The following ZNF860 variants were observed in gnomAD, a reference collection of about 807,000 sequenced individuals.
The protein encoded by ZNF860 is zinc finger protein 860.
For synonymous variants in ZNF860, 206 were observed against 248.9 expected (o/e 0.83, Z 1.62); for missense variants, 641 against 759.2 (o/e 0.84, Z 1.83).
the ZNF860 span, among the ~76,000 whole-genome samples, chr3:32,002,274 C>T: frequency 2.6e-5 from 4 of 152,142 alleles, no homozygotes; most frequent in Admixed American, 1.3e-4. Flanking sequence ...GGAACAAAGC[C>T]TACTCTGAAA....
In ZNF860 at chr3:31,987,144, A is replaced by C. The variant is rs573037490; in HGVS notation, c.-420-1516A>C. On this transcript the variant is annotated intron_variant, in intron 1 of 1. Transcript: ENST00000360311. ...CACACACACACACACATATATATAC[A>C]TCTCCTTCCCTTCGTCCAGACACTC... 1.1e-4 allele frequency among the ~76,000 whole-genome samples: 17 copies of C among 152,236 alleles called. No individual in the cohort carries two copies. The South Asian group carries it at 3.5e-3, about 32-fold the overall frequency.
At position 31,989,680 on chromosome 3, in the gene ZNF860, A is replaced by C. The variant is rs752476083; in HGVS notation, c.601A>C (p.Ile201Leu). The change falls in exon 2 of 2, where the codon ATC becomes CTC. Residue 201 changes from isoleucine (I) to leucine (L), a missense_variant. Physicochemically the swap from Ile to Leu is conservative, Grantham distance 5. Coordinates refer to ENST00000360311, the MANE Select transcript of ZNF860 (RefSeq NM_001137674.3). Reference sequence around the variant, plus strand: ...CCAAAGAATTTCTTCTAGGCCCAAAATCCATATTTCTAATAACTATGAAAA... The same window carrying C: ...CCAAAGAATTTCTTCTAGGCCCAAACTCCATATTTCTAATAACTATGAAAA... Reference protein sequence around the residue: ...TSQRISSRPKIHISNNYENNF... With the variant: ...TSQRISSRPKLHISNNYENNF... 6.2e-7 allele frequency: 1 copy of C among 1,613,892 alleles called. No homozygotes were observed. Among genetic ancestry groups the C allele is most frequent in the African/African-American group, 1.3e-5 (1 of 74,898 alleles).
In ZNF860 at chr3:31,991,151, G is replaced by C. The variant is rs775563358; in HGVS notation, c.*173G>C. ...CATTAATTGACATTAAAGTGTTTACGTTAAGAGGATTGGGCTGGGCAGGGT... is the reference window on the plus strand; with the variant it reads ...CATTAATTGACATTAAAGTGTTTACCTTAAGAGGATTGGGCTGGGCAGGGT... On this transcript the variant is annotated 3_prime_UTR_variant, in exon 2 of 2. Coordinates refer to ENST00000360311, the MANE Select transcript of ZNF860 (RefSeq NM_001137674.3). The C allele has an allele frequency of 2.0e-4, 146 of 726,426 alleles. No homozygotes were observed. Among genetic ancestry groups the C allele is most frequent in the Non-Finnish European group, 3.0e-4 (133 of 442,072 alleles). The allele number at this position is 726,426 out of a possible 1,614,324, so 45.0% of individuals were successfully genotyped here.
At chr3:31,996,872 A>G in the ZNF860 span, among the ~76,000 whole-genome samples, 5 of 152,198 alleles carry the variant, frequency 3.3e-5, no homozygotes, top group African/African-American at 1.2e-4. Context: ...TGAGCACTCC[A>G]TTCAATATGG....
chr3:31,988,916 C>T lies in ZNF860; in HGVS notation c.-164C>T, dbSNP rs1698981978. 1.1e-6 allele frequency: 1 copy of T among 910,242 alleles called. No homozygotes were observed. Among genetic ancestry groups the T allele is most frequent in the African/African-American group, 1.7e-5 (1 of 59,464 alleles). 56.4% of individuals were successfully genotyped at this position (910,242 alleles called of 1,614,324 possible). A position where few individuals can be genotyped will look rare whatever the true frequency, so the allele number is the denominator to read the frequency against. The stretch of plus-strand genomic sequence containing the variant: ...AGCCAGGAACACCCAGCTGAAGTGC[C>T]TCCAAACCCCGACCCACAGCGACTG... On this transcript the variant is annotated 5_prime_UTR_variant, in exon 2 of 2. Transcript: ENST00000360311.
intron 1 of ZNF860, chr3:31,986,270 CAG>C (rs1307762197): frequency 3.9e-5 from 6 of 152,228 alleles, no homozygotes; most frequent in African/African-American, 1.4e-4. Context: ...GAGGAAGAAA[CAG>C]AAACTCAAAG....
the ZNF860 span, among the ~76,000 whole-genome samples, chr3:31,997,932 G>A: frequency 1.3e-5 from 2 of 151,976 alleles, no homozygotes; most frequent in Admixed American, 1.3e-4. Context: ...GGACTATACA[G>A]GTATGCACCA....
At chr3:31,992,300 G>A (rs941967242), downstream of ZNF860, among the ~76,000 whole-genome samples, 1 of 152,096 alleles carries the variant, frequency 6.6e-6, no homozygotes, top group Non-Finnish European at 1.5e-5. Context: ...GCAGCTTTTT[G>A]TATTGGTTTC....
In ZNF860 at chr3:31,990,220, G is replaced by A. The variant is rs368691892; in HGVS notation, c.1141G>A (p.Gly381Arg). The A allele has an allele frequency of 6.2e-7, 1 of 1,612,408 alleles. No homozygotes were observed. Among genetic ancestry groups the A allele is most frequent in the Non-Finnish European group, 8.5e-7 (1 of 1,179,426 alleles). ...TAATGAGTGTGGCAAAGCCTTTAGT[G>A]GGCAGTCAACACTTATTCACCATCA... is the stretch of plus-strand genomic sequence containing the variant. ...KCNECGKAFSGQSTLIHHQAI... is the reference protein window; with the variant it reads ...KCNECGKAFSRQSTLIHHQAI... The change falls in exon 2 of 2, where the codon GGG (glycine) becomes AGG (arginine). Residue 381 changes from glycine to arginine, a missense_variant. Coordinates refer to ENST00000360311, the MANE Select transcript of ZNF860 (RefSeq NM_001137674.3).
intron 1 of ZNF860, among the ~76,000 whole-genome samples, chr3:31,986,589 C>CA (rs768169596): frequency 5.9e-5 from 9 of 151,336 alleles, no homozygotes; most frequent in East Asian, 1.9e-4. Flanking sequence ...ACTAAAAATA[C>CA]AAAAAAAAGT....
At chr3:31,999,435 A>T in the ZNF860 span, among the ~76,000 whole-genome samples, 106 of 145,658 alleles carry the variant, frequency 7.3e-4, no homozygotes, top group Non-Finnish European at 1.3e-3. Flanking sequence ...ATCTCGGCTC[A>T]CCACAACCTC....
In ZNF860 at chr3:31,990,930, C is replaced by T. The variant is rs775133032; in HGVS notation, c.1851C>T (p.Thr617=). 31 of 1,574,620 alleles carry T rather than the reference C, an allele frequency of 2.0e-5. No individual in the cohort carries two copies. The highest frequency in any genetic ancestry group is 1.7e-4 in the Middle Eastern group (1 of 6,030). The change falls in exon 2 of 2, where the codon ACC becomes ACT. Residue 617 remains threonine, a synonymous_variant. Coordinates refer to ENST00000360311, the MANE Select transcript of ZNF860 (RefSeq NM_001137674.3). ...GCATTAGACATCAGAGAATCCATAC[C>T]GGACAGAAATCTTACAAATGTCATA... The part of the protein sequence containing the change: ...SHRIRHQRIH[T]GQKSYKCHKR...
chr3:31,999,401 C>T, the ZNF860 span, among the ~76,000 whole-genome samples: 27 of 139,428 alleles, frequency 1.9e-4, no homozygotes, highest in African/African-American at 2.8e-5. Context: ...CACTCTGTTG[C>T]CCAGGCTGGA....
intron 1 of ZNF860, among the ~76,000 whole-genome samples, chr3:31,986,821 C>G (rs972489701): frequency 3.3e-5 from 5 of 151,890 alleles, no homozygotes; most frequent in African/African-American, 9.7e-5. Context: ...CCTGGGCAAC[C>G]TGGAGAGACT....
chr3:31,998,201 A>T, the ZNF860 span, among the ~76,000 whole-genome samples: 1 of 152,202 alleles, frequency 6.6e-6, no homozygotes, highest in Non-Finnish European at 1.5e-5. Context: ...GTAAAGTACT[A>T]TGATGTGTGA....
At chr3:32,000,602 G>A in the ZNF860 span, among the ~76,000 whole-genome samples, 5 of 152,126 alleles carry the variant, frequency 3.3e-5, no homozygotes, top group African/African-American at 7.2e-5. Context: ...GCGAAATTGC[G>A]GGGCTGTTCT....
rs759729798 is a variant in ZNF860 at position 31,989,890 on chromosome 3, C to T, written c.811C>T (p.Arg271Ter). Reference sequence around the variant, plus strand: ...ATGTGGCAAGGTCTTTAATCAGAAGCGATACCTTGCATGCCATCATAGATG... The same window carrying T: ...ATGTGGCAAGGTCTTTAATCAGAAGTGATACCTTGCATGCCATCATAGATG... Reference protein sequence around the residue: ...DVCGKVFNQKRYLACHHRCHT... With the variant: ...DVCGKVFNQK The change falls in exon 2 of 2, where the codon CGA becomes TGA. Residue 271 changes from arginine (R) to a stop codon, truncating the protein, a stop_gained. Transcript: ENST00000360311. LOFTEE classifies it low-confidence loss of function (END_TRUNC). 1.2e-4 allele frequency: 193 copies of T among 1,613,968 alleles called. No individual in the cohort carries two copies. Among genetic ancestry groups the T allele is most frequent in the South Asian group, 4.5e-4 (41 of 91,084 alleles).
chr3:31,982,472 T>C (rs772935815), intron 1 of ZNF860, among the ~76,000 whole-genome samples: 1 of 152,106 alleles, frequency 6.6e-6, no homozygotes, highest in Admixed American at 6.5e-5. Context: ...AATTACTAAA[T>C]GGAAAAGTCA....
Position 31,990,651 on chromosome 3 carries a change from C to T in ZNF860, c.1572C>T (p.Thr524=), listed in dbSNP as rs760174434. The change falls in exon 2 of 2, where the codon ACC becomes ACT. Residue 524 remains threonine, a synonymous_variant. Transcript: ENST00000360311. ...ECGKVFNQQA[T]LARHHRLHTG... is the part of the protein sequence containing the mutation. ...GCAAGGTTTTTAATCAACAAGCAAC[C>T]CTTGCACGTCATCATAGACTTCATA... 3.7e-6 allele frequency: 6 copies of T among 1,614,040 alleles called. No homozygotes were observed. Among genetic ancestry groups the T allele is most frequent in the Middle Eastern group, 1.6e-4 (1 of 6,062 alleles).
Sources: gnomAD v4.1 joint callset for allele counts (sites outside exome capture counted in the v4.1 genomes callset) on GRCh38, gnomAD v4.1.1 for gene constraint, MANE v1.5 for transcripts, NCBI Gene and HGNC (gene_info 2026-07-23, HGNC 2026-07-21) for gene names.